The following PPP1R12A variants were observed in gnomAD, a reference collection of about 807,000 sequenced individuals.
PPP1R12A encodes the protein protein phosphatase 1 regulatory subunit 12A, also known as myosin binding subunit.
A neutral mutation model predicts 139.6 loss-of-function variants in PPP1R12A; 19 were observed. The observed-to-expected ratio is 0.14, with a 90% CI of 0.09 to 0.20. The LOEUF (loss-of-function observed/expected upper bound fraction) is 0.20, where lower values mean the gene tolerates loss of function less well. Ranked by LOEUF, PPP1R12A falls within the 10% of genes least tolerant of loss-of-function variation. The pLI, the probability that PPP1R12A is intolerant of heterozygous loss-of-function variation, is 1.00. For missense variants in PPP1R12A, 925 were observed against 1,211.5 expected, an observed-to-expected ratio of 0.76 and a Z score of 3.51; for synonymous variants, 427 against 420.6, an observed-to-expected ratio of 1.02 and a Z score of -0.19.
At chr12:79,810,400 A>AT (rs1355378532) in intron 9 of PPP1R12A, among the ~76,000 whole-genome samples, 1 of 152,132 alleles carries the variant, frequency 6.6e-6, no homozygotes, top group Non-Finnish European at 1.5e-5. Flanking sequence ...CTCACCATAG[A>AT]TTTTTCACCC....
intron 1 of PPP1R12A, among the ~76,000 whole-genome samples, chr12:79,928,447 T>A (rs906145822): frequency 1.3e-5 from 2 of 152,190 alleles, no homozygotes; most frequent in Non-Finnish European, 2.9e-5. Flanking sequence ...GAGGGTTTTA[T>A]TTGTTTGTTT....
intron 22 of PPP1R12A, among the ~76,000 whole-genome samples, chr12:79,782,992 C>T (rs921768953): frequency 6.6e-6 from 1 of 151,844 alleles, no homozygotes; most frequent in Non-Finnish European, 1.5e-5. Flanking sequence ...CTTTTTGATC[C>T]CTCTTTCACA....
At position 79,793,904 on chromosome 12, in the gene PPP1R12A, G is replaced by C; in HGVS notation, c.2608C>G (p.Gln870Glu). Residue 870 changes from glutamine (Q) to glutamate (E), a missense_variant, in exon 19 of 25, where the codon CAA (glutamine) becomes GAA (glutamate). Around this residue, in one of 4 missense-constraint regions of PPP1R12A, gnomAD observed 315 missense variants for 363.4 expected, o/e 0.87. Coordinates refer to ENST00000450142, the MANE Select transcript of PPP1R12A (RefSeq NM_002480.3). Reference sequence around the variant, plus strand: ...TTGGATCCCTCTTCTGTGTCTGATTGTTGTTCTTGTTCATTTTCATCACTC... The same window carrying C: ...TTGGATCCCTCTTCTGTGTCTGATTCTTGTTCTTGTTCATTTTCATCACTC... ...QDSDENEQEQ[Q>E]SDTEEGSNKK... The C allele has an allele frequency of 6.3e-7, 1 of 1,592,280 alleles. No homozygotes were observed. Among genetic ancestry groups the C allele is most frequent in the South Asian group, 1.1e-5 (1 of 87,080 alleles).
At chr12:79,931,055 G>C (rs555061089) in intron 1 of PPP1R12A, among the ~76,000 whole-genome samples, 1 of 152,218 alleles carries the variant, frequency 6.6e-6, no homozygotes, top group South Asian at 2.1e-4. Context: ...AATTCCTGAC[G>C]ATGTAAAATT....
intron 9 of PPP1R12A, 60 bp downstream of exon 9, chr12:79,817,334 T>G: frequency 6.7e-7 from 1 of 1,487,560 alleles, no homozygotes; most frequent in East Asian, 2.3e-5. Context: ...TTTAATGAGT[T>G]AGTCCAAGTG....
intron 4 of PPP1R12A, among the ~76,000 whole-genome samples, chr12:79,829,601 G>T (rs1386410358): frequency 6.6e-6 from 1 of 151,790 alleles, no homozygotes; most frequent in Non-Finnish European, 1.5e-5. Context: ...CCTATCACCT[G>T]CCTGCAGACC....
intron 20 of PPP1R12A, 94 bp downstream of exon 20, chr12:79,790,373 A>G (rs1871685948): frequency 2.2e-6 from 2 of 924,566 alleles, no homozygotes; most frequent in Non-Finnish European, 3.1e-6. Flanking sequence ...AAATAATTCT[A>G]TAAACTTACA....
At chr12:79,797,492 A>G in intron 15 of PPP1R12A, 97 bp from the exon 16 acceptor site, 1 of 1,150,268 alleles carries the variant, frequency 8.7e-7, no homozygotes, top group Non-Finnish European at 1.2e-6. Context: ...AATGCATTAA[A>G]AGTCAAATAT....
chr12:79,912,026 CCT>C (rs1049793568), intron 1 of PPP1R12A, among the ~76,000 whole-genome samples: 2 of 152,278 alleles, frequency 1.3e-5, no homozygotes, highest in South Asian at 2.1e-4. Context: ...CTTCTCACCC[CCT>C]GTGCTCCAGT....
intron 1 of PPP1R12A, among the ~76,000 whole-genome samples, chr12:79,901,136 A>C (rs184654742): frequency 1.4e-4 from 21 of 152,360 alleles, no homozygotes; most frequent in African/African-American, 4.1e-4. Flanking sequence ...AGAGGGCTCT[A>C]GATCGGGAAC....
chr12:79,891,435 T>C (rs1440641330), intron 1 of PPP1R12A, among the ~76,000 whole-genome samples: 1 of 152,110 alleles, frequency 6.6e-6, no homozygotes, highest in Non-Finnish European at 1.5e-5. Flanking sequence ...TTCAAGTATC[T>C]TGTTGAATAG....
chr12:79,895,741 C>A (rs774117975), intron 1 of PPP1R12A, among the ~76,000 whole-genome samples: 22 of 152,194 alleles, frequency 1.4e-4, no homozygotes, highest in Non-Finnish European at 3.1e-4. Context: ...ACCAGCACTG[C>A]TACTCTGTTC....
intron 10 of PPP1R12A, among the ~76,000 whole-genome samples, chr12:79,809,273 AAATACTAGTATTG>A (rs1434612287): frequency 6.6e-6 from 1 of 152,188 alleles, no homozygotes; most frequent in Non-Finnish European, 1.5e-5. Flanking sequence ...CTGTAGAAAT[AAATACTAGTATTG>A]AATAAACTGT....
intron 5 of PPP1R12A, among the ~76,000 whole-genome samples, chr12:79,822,811 A>ATTT (rs34115550): frequency 2.3e-5 from 3 of 129,902 alleles, no homozygotes; most frequent in Non-Finnish European, 5.0e-5. Flanking sequence ...GGACATCTGC[A>ATTT]TTTTTTTTTT....
chr12:79,848,838 C>A (rs1180008163), intron 2 of PPP1R12A: 2 of 152,010 alleles, frequency 1.3e-5, no homozygotes, highest in Non-Finnish European at 2.9e-5. Flanking sequence ...TAAATAGTCT[C>A]CAAAAGCAAT....
chr12:79,808,367 T>G, intron 11 of PPP1R12A, 116 bp downstream of exon 11: 1 of 698,316 alleles, frequency 1.4e-6, no homozygotes, highest in East Asian at 2.7e-5. Flanking sequence ...AGGAATATCC[T>G]CCATCTCTTC....
At chr12:79,796,753 A>G (rs1565743367) in intron 17 of PPP1R12A, 29 bp downstream of exon 17, 2 of 1,538,524 alleles carry the variant, frequency 1.3e-6, no homozygotes, top group Admixed American at 1.8e-5. Context: ...TGAAGAAAGC[A>G]AAGTGTTTTC....
intron 8 of PPP1R12A, among the ~76,000 whole-genome samples, chr12:79,820,057 T>C (rs1435079011): frequency 3.3e-5 from 5 of 152,142 alleles, no homozygotes; most frequent in Admixed American, 2.0e-4. Flanking sequence ...AACAATATTA[T>C]AATTGTTATA....
intron 3 of PPP1R12A, among the ~76,000 whole-genome samples, chr12:79,833,862 A>AC (rs915928692): frequency 2.0e-5 from 3 of 151,136 alleles, no homozygotes; most frequent in African/African-American, 4.9e-5. Context: ...AAAAAAAAAA[A>AC]AGCAAAGTAC....
Sources: allele counts gnomAD v4.1 joint callset (sites outside exome capture counted in the v4.1 genomes callset), GRCh38; gene constraint gnomAD v4.1.1; regional missense constraint gnomAD v4.1.1; transcripts MANE v1.5; gene names NCBI Gene and HGNC (gene_info 2026-07-23, HGNC 2026-07-21).